PCSK6: variants seen among roughly 807,000 people sequenced by gnomAD.
PCSK6 encodes paired basic amino acid cleaving enzyme 4.
In PCSK6, 85 loss-of-function variants were observed where a neutral mutation model predicts 123.3. The ratio of observed to expected loss-of-function variants is 0.69; its 90% CI spans 0.58 to 0.83. The LOEUF is 0.83. Among genes scored for constraint, PCSK6 ranks in the 40% least tolerant of loss-of-function variants. The pLI is 0.00. For missense variants in PCSK6, 1,191 were observed against 1,282.3 expected (o/e 0.93, Z 1.09); for synonymous variants, 508 against 516.0 (o/e 0.98, Z 0.21).
In PCSK6 at chr15:101,307,063, A is replaced by G. The variant is rs2039738801; in HGVS notation, c.2812+150T>C. ...GGCAGCTGTCTTCCATATCAGCTAG[A>G]GGAATCCCAGACAGTCAATCGGATC... On this transcript the variant is annotated intron_variant, in intron 21 of 21. Transcript: ENST00000611716. 4 of 633,492 alleles carry G rather than the reference A, an allele frequency of 6.3e-6. No individual in the cohort carries two copies. The East Asian group carries it at 8.2e-5, about 13-fold the overall frequency. 39.2% of individuals were successfully genotyped at this position (633,492 alleles called of 1,614,324 possible).
chr15:101,367,625 G>GCTGAGGCA (rs2041440619), intron 12 of PCSK6, among the ~76,000 whole-genome samples: 1 of 152,188 alleles, frequency 6.6e-6, no homozygotes, highest in Non-Finnish European at 1.5e-5. Flanking sequence ...GGGCTGAGGT[G>GCTGAGGCA]CTGAGGCACA....
chr15:101,431,384 T>TTTTTTCCTGACCACCACG lies in PCSK6; in HGVS notation c.592_593insCGTGGTGGTCAGGAAAAA (p.Lys197_Asn198insThrTrpTrpSerGlyLys), dbSNP rs1459966114. On this transcript the variant is annotated inframe_insertion, in exon 4 of 22. Coordinates refer to ENST00000611716, the MANE Select transcript of PCSK6 (RefSeq NM_002570.5). ...ATCATCAAGGATGGTGACCACCACG[T>TTTTTTCCTGACCACCACG]TTTTTCCTGTGTAGCCCCTCTTCCA... is the stretch of plus-strand genomic sequence containing the variant. The TTTTTTCCTGACCACCACG allele has an allele frequency of 6.2e-7, 1 of 1,613,794 alleles. No homozygotes were observed. The highest frequency in any genetic ancestry group is 8.5e-7 in the Non-Finnish European group (1 of 1,179,864).
At chr15:101,326,736 G>T (rs2040263487) in intron 15 of PCSK6, among the ~76,000 whole-genome samples, 1 of 152,256 alleles carries the variant, frequency 6.6e-6, no homozygotes, top group African/African-American at 2.4e-5. Context: ...GAAACATCCA[G>T]GGTGGGTACG....
chr15:101,433,649 G>T (rs2056513345), intron 2 of PCSK6, among the ~76,000 whole-genome samples: 2 of 152,256 alleles, frequency 1.3e-5, no homozygotes, highest in South Asian at 4.1e-4. Context: ...GGTGACCCAA[G>T]GCTGGCGACC....
chr15:101,320,677 C>T (rs937961974), intron 18 of PCSK6, among the ~76,000 whole-genome samples: 1 of 152,234 alleles, frequency 6.6e-6, no homozygotes, highest in Non-Finnish European at 1.5e-5. Context: ...AACTGACACT[C>T]CCCTGCAAAC....
intron 6 of PCSK6, among the ~76,000 whole-genome samples, chr15:101,417,220 C>G (rs1467338545): frequency 1.3e-5 from 2 of 152,170 alleles, no homozygotes; most frequent in Non-Finnish European, 2.9e-5. Context: ...TTAAGAAGTG[C>G]CTTTCACCTC....
intron 4 of PCSK6, among the ~76,000 whole-genome samples, chr15:101,430,836 C>T (rs190698512): frequency 5.1e-4 from 78 of 152,288 alleles, no homozygotes; most frequent in African/African-American, 1.7e-3. Context: ...ACAATAACTC[C>T]GTGAGAGAGT....
chr15:101,489,079 G>C (rs1270480402), intron 1 of PCSK6, among the ~76,000 whole-genome samples: 1 of 149,242 alleles, frequency 6.7e-6, no homozygotes, highest in Non-Finnish European at 1.5e-5. Context: ...CCACACTTCC[G>C]AGCGCGGGGT....
intron 11 of PCSK6, 138 bp downstream of exon 11, chr15:101,381,954 C>T (rs191970585): frequency 2.4e-4 from 147 of 617,098 alleles, no homozygotes; most frequent in East Asian, 2.2e-3. Context: ...AAAACGCAGA[C>T]GTGTGCAGGC....
At chr15:101,443,876 G>C (rs1012116041) in intron 1 of PCSK6, among the ~76,000 whole-genome samples, 1 of 152,192 alleles carries the variant, frequency 6.6e-6, no homozygotes, top group Non-Finnish European at 1.5e-5. Flanking sequence ...ATAACACTAA[G>C]TCATATTTCC....
chr15:101,478,094 T>C (rs906348925), intron 1 of PCSK6, among the ~76,000 whole-genome samples: 1 of 152,126 alleles, frequency 6.6e-6, no homozygotes, highest in Non-Finnish European at 1.5e-5. Context: ...CACCTGCTCC[T>C]TGTAGCCTTT....
chr15:101,344,817 G>C (rs117645387), intron 13 of PCSK6, among the ~76,000 whole-genome samples: 1 of 151,864 alleles, frequency 6.6e-6, no homozygotes, highest in Non-Finnish European at 1.5e-5. Flanking sequence ...CACCACATGC[G>C]GCTAATTTTT....
chr15:101,354,452 T>G (rs2040985036), intron 13 of PCSK6, among the ~76,000 whole-genome samples: 1 of 152,268 alleles, frequency 6.6e-6, no homozygotes, highest in Non-Finnish European at 1.5e-5. Context: ...TTTTTACACT[T>G]TAAACAAAGT....
intron 18 of PCSK6, among the ~76,000 whole-genome samples, chr15:101,322,204 G>A (rs1177464346): frequency 6.6e-6 from 1 of 152,208 alleles, no homozygotes; most frequent in South Asian, 2.1e-4. Context: ...CCCAGACAGC[G>A]AGGGGAACTG....
Position 101,476,912 on chromosome 15 carries a change from G to A in PCSK6, c.297+12462C>T, listed in dbSNP as rs111394465. ...CTCTGCAAGGCTGGTGATGCCGGAC[G>A]GGAGATGCAGGTAGGTGGGATGAGA... On this transcript the variant is annotated intron_variant, in intron 1 of 21. Transcript: ENST00000611716. Among the ~76,000 whole-genome samples, 333 of 152,316 alleles carry A rather than the reference G, an allele frequency of 2.2e-3. 1 individual carries two copies. Among genetic ancestry groups the A allele is most frequent in the Non-Finnish European group, 3.5e-3 (235 of 68,028 alleles).
chr15:101,367,981 C>T (rs763927785), intron 12 of PCSK6, among the ~76,000 whole-genome samples: 4 of 152,212 alleles, frequency 2.6e-5, no homozygotes, highest in Non-Finnish European at 4.4e-5. Context: ...CGTGCCACCA[C>T]GCCCAGCTAA....
intron 1 of PCSK6, among the ~76,000 whole-genome samples, chr15:101,484,934 G>A (rs1211439846): frequency 6.6e-6 from 1 of 152,152 alleles, no homozygotes; most frequent in Non-Finnish European, 1.5e-5. Flanking sequence ...TCTTATACAA[G>A]TCTCTTTGTG....
chr15:101,461,264 C>G (rs763561806), intron 1 of PCSK6, among the ~76,000 whole-genome samples: 3 of 152,094 alleles, frequency 2.0e-5, no homozygotes, highest in Non-Finnish European at 2.9e-5. Flanking sequence ...AAAACACAGA[C>G]CACATTAAAA....
At chr15:101,372,517 T>C (rs2141473842) in intron 11 of PCSK6, among the ~76,000 whole-genome samples, 1 of 152,360 alleles carries the variant, frequency 6.6e-6, no homozygotes, top group South Asian at 2.1e-4. Flanking sequence ...TGCTAGTGTT[T>C]ACTGGCCAGC....
Sources: gnomAD v4.1 joint callset for allele counts (sites outside exome capture counted in the v4.1 genomes callset) on GRCh38, gnomAD v4.1.1 for gene constraint, MANE v1.5 for transcripts, NCBI Gene and HGNC (gene_info 2026-07-23, HGNC 2026-07-21) for gene names.